The following SLC38A7 variants were observed in gnomAD, a reference collection of about 807,000 sequenced individuals.
SLC38A7 encodes the protein solute carrier family 38 member 7, also known as sodium-coupled neutral amino acid transporter 7.
Under a neutral mutation model 50.1 loss-of-function variants are expected in SLC38A7, and 29 were observed. The observed-to-expected ratio is 0.58, with a 90% CI of 0.43 to 0.79. The LOEUF (loss-of-function observed/expected upper bound fraction) is 0.79, where lower values mean the gene tolerates loss of function less well. SLC38A7 is among the 30% of genes least tolerant of loss of function. SLC38A7 has a pLI of 0.00. For synonymous variants in SLC38A7, 244 were observed against 245.9 expected, an observed-to-expected ratio of 0.99 and a Z score of 0.07; for missense variants, 483 against 610.6, an observed-to-expected ratio of 0.79 and a Z score of 2.20.
intron 8 of SLC38A7, among the ~76,000 whole-genome samples, chr16:58,673,081 T>A (rs901561316): frequency 1.6e-5 from 2 of 127,780 alleles, no homozygotes; most frequent in African/African-American, 6.0e-5. Flanking sequence ...CATGCCCGGC[T>A]AATTTTTTTT....
rs1002831268 is a variant in SLC38A7 at position 58,667,091 on chromosome 16, A to C, written c.*294T>G. On this transcript the variant is annotated 3_prime_UTR_variant, in exon 12 of 12. Coordinates refer to ENST00000219320, the MANE Select transcript of SLC38A7 (RefSeq NM_018231.3). ...CTTATGAGATCTACCGACTCTCTTC[A>C]CCCGTGGATTCCAGGCATGGAGAAG... 1 of 498,902 alleles carries C rather than the reference A, an allele frequency of 2.0e-6. No homozygotes were observed. Among genetic ancestry groups the C allele is most frequent in the Admixed American group, 3.5e-5 (1 of 28,610 alleles). 30.9% of individuals were successfully genotyped at this position (498,902 alleles called of 1,614,324 possible).
Position 58,679,749 on chromosome 16 carries a change from G to A in SLC38A7, c.270+108C>T, listed in dbSNP as rs767949364. The stretch of plus-strand genomic sequence containing the variant: ...CATGTCTGCCATGTGTGAGGGAGGG[G>A]AGAGCAGTGCGTGTATCACTTACTG... On this transcript the variant is annotated intron_variant, in intron 3 of 11. Transcript: ENST00000219320. 4.2e-6 allele frequency: 6 copies of A among 1,416,620 alleles called. No homozygotes were observed. In the Admixed American group the frequency reaches 5.4e-5, roughly 13 times the overall value. The allele number at this position is 1,416,620 out of a possible 1,614,324, so 87.8% of individuals were successfully genotyped here.
intron 2 of SLC38A7, among the ~76,000 whole-genome samples, chr16:58,680,784 G>A (rs553522381): frequency 6.6e-6 from 1 of 152,274 alleles, no homozygotes; most frequent in East Asian, 1.9e-4. Context: ...GGCTTTCGAG[G>A]CCCTTCGAAA....
chr16:58,676,897 G>A lies in SLC38A7; in HGVS notation c.710+429C>T, dbSNP rs189121401. Among the ~76,000 whole-genome samples, 179 of 151,890 alleles carry A rather than the reference G, an allele frequency of 1.2e-3. 1 individual carries two copies. The highest frequency in any genetic ancestry group is 0.01 in the Middle Eastern group (3 of 294). ...TCTCAATCTCCTGACCTCATGATCC[G>A]CCCGCCTCGGCCTCCCAATGTGCTG... On this transcript the variant is annotated intron_variant, in intron 6 of 11. Transcript: ENST00000219320.
At chr16:58,676,497 G>C in intron 6 of SLC38A7, 151 bp from the exon 7 acceptor site, 2 of 816,828 alleles carry the variant, frequency 2.4e-6, no homozygotes, top group South Asian at 3.2e-5. Flanking sequence ...AGGGAGAAGA[G>C]GCATCCTTAT....
Position 58,678,499 on chromosome 16 carries a change from G to A in SLC38A7, c.470-25C>T, listed in dbSNP as rs750267581. 5.8e-6 allele frequency: 9 copies of A among 1,543,944 alleles called. No individual in the cohort carries two copies. The highest frequency in any genetic ancestry group is 3.5e-6 in the Non-Finnish European group (4 of 1,142,616). On this transcript the variant is annotated intron_variant, in intron 4 of 11. Transcript: ENST00000219320. The surrounding 1 kb of genome is among the most constrained non-coding windows in gnomAD (Gnocchi z 4.0). ...ACTGCACAGGGAGGAAGGAGGGAATGTCAAGCCAGGCCACCATGGGGTGTG... is the reference window on the plus strand; with the variant it reads ...ACTGCACAGGGAGGAAGGAGGGAATATCAAGCCAGGCCACCATGGGGTGTG...
At position 58,673,520 on chromosome 16, in the gene SLC38A7, G is replaced by A. The variant is rs145274879; in HGVS notation, c.884-1277C>T. Among the ~76,000 whole-genome samples, 228 of 152,026 alleles carry A rather than the reference G, an allele frequency of 1.5e-3. 1 individual carries two copies. The highest frequency in any genetic ancestry group is 2.4e-3 in the Non-Finnish European group (162 of 67,970). On this transcript the variant is annotated intron_variant, in intron 8 of 11. Transcript: ENST00000219320. ...TGGGATTACAGGCGTGAGCCACCAC[G>A]CCCAGCCCTAATTTTTTTATTTTTA...
intron 8 of SLC38A7, among the ~76,000 whole-genome samples, 155 bp from the exon 9 acceptor site, chr16:58,672,398 G>A (rs558870856): frequency 3.3e-4 from 50 of 152,162 alleles, no homozygotes; most frequent in Non-Finnish European, 5.0e-4. Context: ...CCGATCAGAT[G>A]CCTCCCTCCC....
chr16:58,670,956 C>G, intron 10 of SLC38A7, 89 bp downstream of exon 10: 2 of 1,389,588 alleles, frequency 1.4e-6, no homozygotes, highest in Admixed American at 4.0e-5. Flanking sequence ...CTCTCTCCTG[C>G]ATGTTTTGAG....
intron 10 of SLC38A7, among the ~76,000 whole-genome samples, chr16:58,670,592 G>C (rs16960359): frequency 6.6e-6 from 1 of 152,146 alleles, no homozygotes; most frequent in Non-Finnish European, 1.5e-5. Context: ...GGGATCTGGC[G>C]GTAGATCTGT....
At chr16:58,679,066 A>G (rs1308178213) in intron 3 of SLC38A7, among the ~76,000 whole-genome samples, 172 bp from the exon 4 acceptor site, 2 of 152,242 alleles carry the variant, frequency 1.3e-5, no homozygotes, top group Non-Finnish European at 2.9e-5. Flanking sequence ...TTAAAAACAA[A>G]AAGTTTTTTG....
Position 58,678,809 on chromosome 16 carries a change from ACC to A in SLC38A7, c.354_355del (p.Val119MetfsTer13), listed in dbSNP as rs1210176384. ...TGTCAGCTTGCCACACACAGCCCAT[ACC>A]ACCTCCTGGTAGGTCCTCTCATTGC... On this transcript the variant is annotated frameshift_variant, in exon 4 of 12. Coordinates refer to ENST00000219320, the MANE Select transcript of SLC38A7 (RefSeq NM_018231.3). LOFTEE classifies it high-confidence loss of function. This position sits in a 1 kb window ranked among gnomAD's most constrained non-coding sequence, Gnocchi z 4.0. 1.9e-6 allele frequency: 3 copies of A among 1,614,070 alleles called. No homozygotes were observed. Among genetic ancestry groups the A allele is most frequent in the African/African-American group, 1.3e-5 (1 of 74,930 alleles).
chr16:58,677,696 G>C lies in SLC38A7; in HGVS notation c.612-272C>G, dbSNP rs138431826. ...CTCCATGGCTCAGAGACGATGCAGAGAGCAGAGCTCCAAAGCACACCTGGG... is the reference window on the plus strand; with the variant it reads ...CTCCATGGCTCAGAGACGATGCAGACAGCAGAGCTCCAAAGCACACCTGGG... On this transcript the variant is annotated intron_variant, in intron 5 of 11. Coordinates refer to ENST00000219320, the MANE Select transcript of SLC38A7 (RefSeq NM_018231.3). 1,070 of 447,232 alleles carry C rather than the reference G, an allele frequency of 2.4e-3. 6 individuals carry two copies. The highest frequency in any genetic ancestry group is 0.019 in the African/African-American group (982 of 50,676). 27.7% of individuals were successfully genotyped at this position (447,232 alleles called of 1,614,324 possible).
chr16:58,678,215 G>GCCTA lies in SLC38A7; in HGVS notation c.611+114_611+117dup. 2 of 1,252,834 alleles carry GCCTA rather than the reference G, an allele frequency of 1.6e-6. No individual in the cohort carries two copies. The highest frequency in any genetic ancestry group is 2.2e-6 in the Non-Finnish European group (2 of 927,672). 77.6% of individuals were successfully genotyped at this position (1,252,834 alleles called of 1,614,324 possible). On this transcript the variant is annotated intron_variant, in intron 5 of 11. Transcript: ENST00000219320. This position sits in a 1 kb window ranked among gnomAD's most constrained non-coding sequence, Gnocchi z 4.0. ...TGCAAGCCCCGGTCTGCCCTGCCTT[G>GCCTA]CCTACTCTTGCTCCCCAAGGTGAGG...
At chr16:58,668,064 G>A (rs1302687935) in intron 11 of SLC38A7, among the ~76,000 whole-genome samples, 2 of 152,038 alleles carry the variant, frequency 1.3e-5, no homozygotes, top group Non-Finnish European at 2.9e-5. Context: ...CACTTTGGGA[G>A]GCCGAGGCAG....
rs150179301 is a variant in SLC38A7, at chr16:58,677,411, C to A, written c.625G>T (p.Val209Leu). Residue 209 changes from valine (V) to leucine (L), a missense_variant, in exon 6 of 12, where the codon GTG becomes TTG. By Grantham distance (32) the Val-to-Leu change is conservative. Coordinates refer to ENST00000219320, the MANE Select transcript of SLC38A7 (RefSeq NM_018231.3). ...FQKYASFLSV[V>L]GTWYVTAIVI... The stretch of plus-strand genomic sequence containing the variant: ...ATGGCTGTGACGTACCAGGTACCCA[C>A]GACGCTCAGGAAGCTGCCGGGAAGG... 12 of 1,614,052 alleles carry A rather than the reference C, an allele frequency of 7.4e-6. No individual in the cohort carries two copies. Among genetic ancestry groups the A allele is most frequent in the Non-Finnish European group, 9.3e-6 (11 of 1,179,962 alleles).
intron 9 of SLC38A7, 197 bp downstream of exon 9, chr16:58,671,899 A>G: frequency 1.9e-6 from 1 of 519,130 alleles, no homozygotes; most frequent in South Asian, 3.7e-5. Context: ...GACTCACGGA[A>G]TGTTCTGGTG....
intron 11 of SLC38A7, among the ~76,000 whole-genome samples, chr16:58,669,565 G>A (rs2044117921): frequency 6.6e-6 from 1 of 152,094 alleles, no homozygotes; most frequent in Non-Finnish European, 1.5e-5. Flanking sequence ...GGATGTGGGG[G>A]CGAGTGGGTT....
At chr16:58,673,238 AT>A (rs35439184) in intron 8 of SLC38A7, among the ~76,000 whole-genome samples, 34,639 of 137,518 alleles carry the variant, frequency 0.25, 5,976 homozygotes, top group African/African-American at 0.51. Flanking sequence ...CACCTGGCTA[AT>A]TTTTTTTTTT....
Sources: gnomAD v4.1 joint callset for allele counts (sites outside exome capture counted in the v4.1 genomes callset) on GRCh38, gnomAD v4.1.1 for gene constraint, Gnocchi (gnomAD v3.1) non-coding constraint, MANE v1.5 for transcripts, NCBI Gene and HGNC (gene_info 2026-07-23, HGNC 2026-07-21) for gene names.